Variants in PRORP observed in about 807,000 individuals in gnomAD.
PRORP encodes mitochondrial ribonuclease P catalytic subunit.
Under a neutral mutation model 59.4 loss-of-function variants are expected in PRORP, and 51 were observed. The ratio of observed to expected loss-of-function variants is 0.86; its 90% CI spans 0.69 to 1.08. PRORP has a LOEUF of 1.08. Ranked by LOEUF, PRORP falls within the 50% of genes least tolerant of loss-of-function variation. PRORP has a pLI of 0.00. For missense variants in PRORP, 646 were observed against 690.3 expected (o/e 0.94, Z 0.72); for synonymous variants, 231 against 245.6 (o/e 0.94, Z 0.55).
chr14:35,177,633 T>C (rs1489228356), intron 4 of PRORP, among the ~76,000 whole-genome samples: 1 of 152,166 alleles, frequency 6.6e-6, no homozygotes, highest in African/African-American at 2.4e-5. Flanking sequence ...GTCTTCTCTC[T>C]TTTCTTCTTT....
chr14:35,227,402 C>T (rs1332984322), intron 5 of PRORP, among the ~76,000 whole-genome samples: 2 of 151,850 alleles, frequency 1.3e-5, no homozygotes, highest in African/African-American at 4.8e-5. Context: ...TGAGATCGCA[C>T]CACTGCACTC....
At chr14:35,171,346 TA>T (rs1465982667) in intron 4 of PRORP, among the ~76,000 whole-genome samples, 2 of 152,180 alleles carry the variant, frequency 1.3e-5, no homozygotes, top group East Asian at 3.8e-4. Context: ...TACCTGAATA[TA>T]TCTTTATTTC....
intron 5 of PRORP, among the ~76,000 whole-genome samples, chr14:35,215,286 T>C (rs1026232827): frequency 6.6e-6 from 1 of 152,302 alleles, no homozygotes; most frequent in Admixed American, 6.5e-5. Flanking sequence ...CTCAGTACTT[T>C]AGCATCTTCT....
At chr14:35,221,893 T>G (rs1042778521) in intron 5 of PRORP, among the ~76,000 whole-genome samples, 5 of 152,242 alleles carry the variant, frequency 3.3e-5, no homozygotes, top group Non-Finnish European at 7.3e-5. Flanking sequence ...ATGCAAGCTT[T>G]CTTTTTGGTA....
At chr14:35,269,423 C>T (rs1010833224) in intron 6 of PRORP, among the ~76,000 whole-genome samples, 14 of 152,148 alleles carry the variant, frequency 9.2e-5, no homozygotes, top group Admixed American at 7.2e-4. Context: ...TCAGTTGTAA[C>T]GATCAATTCA....
chr14:35,259,223 T>G (rs1038463594), intron 5 of PRORP, among the ~76,000 whole-genome samples: 1 of 152,254 alleles, frequency 6.6e-6, no homozygotes, highest in African/African-American at 2.4e-5. Context: ...CTGGTAATTT[T>G]CTCTGCTCTG....
At chr14:35,131,308 ATC>A (rs1206507723) in intron 4 of PRORP, among the ~76,000 whole-genome samples, 3 of 152,072 alleles carry the variant, frequency 2.0e-5, no homozygotes, top group Non-Finnish European at 2.9e-5. Flanking sequence ...TGTTGATGTA[ATC>A]TCTCAGCTTT....
rs1235398072 is a variant in PRORP, at chr14:35,184,137, A to G, written c.1275+3360A>G. Among the ~76,000 whole-genome samples the G allele has an allele frequency of 6.6e-5, 10 of 150,728 alleles. No individual in the cohort carries two copies. The Admixed American group carries it at 6.7e-4, about 10-fold the overall frequency. The stretch of plus-strand genomic sequence containing the variant: ...TACATTAATGGTTGATTATATATCT[A>G]GTATTCTCTGTAAGTTCATTAATGA... On this transcript the variant is annotated intron_variant, in intron 5 of 7. Coordinates refer to ENST00000534898, the MANE Select transcript of PRORP (RefSeq NM_014672.4).
At chr14:35,270,246 A>G (rs2051150014) in intron 6 of PRORP, among the ~76,000 whole-genome samples, 155 bp from the exon 7 acceptor site, 1 of 152,190 alleles carries the variant, frequency 6.6e-6, no homozygotes, top group Non-Finnish European at 1.5e-5. Flanking sequence ...CTTACCAGCT[A>G]AGGACTTTGA....
chr14:35,198,532 G>A (rs996486732), intron 5 of PRORP, among the ~76,000 whole-genome samples: 7 of 152,208 alleles, frequency 4.6e-5, no homozygotes, highest in Admixed American at 3.3e-4. Context: ...AAATTTTTAA[G>A]CTGATTTTTT....
At chr14:35,153,075 C>T (rs1456587171) in intron 4 of PRORP, among the ~76,000 whole-genome samples, 3 of 152,208 alleles carry the variant, frequency 2.0e-5, no homozygotes, top group Non-Finnish European at 4.4e-5. Flanking sequence ...GCCGAGATCA[C>T]GCCACTGCAC....
intron 5 of PRORP, chr14:35,262,781 TG>T: frequency 8.2e-7 from 1 of 1,223,958 alleles, no homozygotes; most frequent in Non-Finnish European, 1.2e-6. Flanking sequence ...TCCAGGAGAA[TG>T]GGTCTCTTGT....
At chr14:35,213,278 G>C (rs907017924) in intron 5 of PRORP, among the ~76,000 whole-genome samples, 1 of 151,956 alleles carries the variant, frequency 6.6e-6, no homozygotes, top group Non-Finnish European at 1.5e-5. Context: ...TTTCCTTCAA[G>C]AACTTTTCCT....
At position 35,266,767 on chromosome 14, in the gene PRORP, G is replaced by T. The variant is rs759615583; in HGVS notation, c.1316G>T (p.Arg439Leu). 7 of 1,614,086 alleles carry T rather than the reference G, an allele frequency of 4.3e-6. No individual in the cohort carries two copies. The highest frequency in any genetic ancestry group is 5.9e-6 in the Non-Finnish European group (7 of 1,180,010). Residue 439 changes from arginine (R) to leucine (L), a missense_variant, in exon 6 of 8, where the codon CGA becomes CTA. Transcript: ENST00000534898. ...TCTCAACTAGCCAAACGGAATCTGC[G>T]ACTGCTGGTCCTAGGCCGGAAGCAC... ...VVSQLAKRNL[R>L]LLVLGRKHML...
chr14:35,221,904 T>C (rs934320565), intron 5 of PRORP, among the ~76,000 whole-genome samples: 10 of 152,230 alleles, frequency 6.6e-5, no homozygotes, highest in African/African-American at 1.9e-4. Context: ...CTTTTTGGTA[T>C]CTGAGGACAA....
chr14:35,252,177 C>T (rs946751901), intron 5 of PRORP, among the ~76,000 whole-genome samples: 1 of 152,126 alleles, frequency 6.6e-6, no homozygotes, highest in Non-Finnish European at 1.5e-5. Flanking sequence ...GTAATCCCAA[C>T]ACTTTGGGAG....
chr14:35,201,242 A>G lies in PRORP; in HGVS notation c.1275+20465A>G, dbSNP rs1018332467. Among the ~76,000 whole-genome samples the G allele has an allele frequency of 2.0e-4, 30 of 152,282 alleles. 1 individual carries two copies. The highest frequency in any genetic ancestry group is 3.4e-3 in the Middle Eastern group (1 of 294). ...CTAAGGAAGTTTTGTCAGCTTTCTCAACTGTAAAGTTACTCTTTTTTTTCC... is the reference window on the plus strand; with the variant it reads ...CTAAGGAAGTTTTGTCAGCTTTCTCGACTGTAAAGTTACTCTTTTTTTTCC... On this transcript the variant is annotated intron_variant, in intron 5 of 7. Coordinates refer to ENST00000534898, the MANE Select transcript of PRORP (RefSeq NM_014672.4).
chr14:35,155,723 T>C (rs2047898429), intron 4 of PRORP, among the ~76,000 whole-genome samples: 1 of 151,782 alleles, frequency 6.6e-6, no homozygotes. Context: ...AAACATATTA[T>C]ATATTCATTA....
At chr14:35,176,892 TC>T (rs201678983) in intron 4 of PRORP, among the ~76,000 whole-genome samples, 61,086 of 151,732 alleles carry the variant, frequency 0.4, 12,753 homozygotes, top group East Asian at 0.69. Flanking sequence ...CATAAATAGC[TC>T]TTATTATTTT....
Sources: allele counts gnomAD v4.1 joint callset (sites outside exome capture counted in the v4.1 genomes callset), GRCh38; gene constraint gnomAD v4.1.1; transcripts MANE v1.5; gene names NCBI Gene and HGNC (gene_info 2026-07-23, HGNC 2026-07-21).